The following KIR2DL3 variants were observed in gnomAD, a reference collection of about 807,000 sequenced individuals.
KIR2DL3 encodes killer cell immunoglobulin-like receptor 2DL3.
In KIR2DL3, 39 loss-of-function variants were observed where a neutral mutation model predicts 33.8. That is an observed-to-expected ratio of 1.15 (90% confidence interval 0.89 to 1.51). The LOEUF is 1.51. KIR2DL3 is among the 40% of genes most tolerant of loss of function. The pLI, the probability that KIR2DL3 is intolerant of heterozygous loss-of-function variation, is 0.00. For missense variants in KIR2DL3, 462 were observed against 426.2 expected, an observed-to-expected ratio of 1.08 and a Z score of -0.74; for synonymous variants, 174 against 160.2, an observed-to-expected ratio of 1.09 and a Z score of -0.65.
At chr19:54,740,845 A>G (rs1380595717) in intron 2 of KIR2DL3, among the ~76,000 whole-genome samples, 2 of 151,806 alleles carry the variant, frequency 1.3e-5, no homozygotes, top group African/African-American at 4.8e-5. Flanking sequence ...TGTAATCACA[A>G]GGGTGCACAT....
At chr19:54,743,057 G>A (rs1213636833) in intron 3 of KIR2DL3, among the ~76,000 whole-genome samples, 33 of 151,744 alleles carry the variant, frequency 2.2e-4, no homozygotes, top group Non-Finnish European at 3.2e-4. Flanking sequence ...TGAGAGAGAG[G>A]CACAAGGACA....
At chr19:54,739,430 C>G in intron 1 of KIR2DL3, 77 bp from the exon 2 acceptor site, 1 of 1,610,078 alleles carries the variant, frequency 6.2e-7, no homozygotes, top group Non-Finnish European at 8.5e-7. Context: ...GCTGCCAAGA[C>G]TCACAGCCCA....
chr19:54,738,666 A>G lies in KIR2DL3; in HGVS notation c.34+87A>G. On this transcript the variant is annotated intron_variant, in intron 1 of 7. Transcript: ENST00000342376. ...GAGATATAGGCCTGGAAGTGGAGTT[A>G]TGGGCCTAGAGATGGAGTGATGGGC... 4.4e-6 allele frequency: 7 copies of G among 1,592,400 alleles called. No homozygotes were observed. The South Asian group carries it at 4.4e-5, about 10-fold the overall frequency.
intron 3 of KIR2DL3, among the ~76,000 whole-genome samples, chr19:54,743,264 G>A (rs1251770968): frequency 1.3e-5 from 2 of 150,558 alleles, no homozygotes; most frequent in Admixed American, 6.7e-5. Flanking sequence ...TGATGATGAT[G>A]AAGACAGATA....
At chr19:54,747,223 A>T in intron 4 of KIR2DL3, 112 bp from the exon 5 acceptor site, 1 of 1,260,152 alleles carries the variant, frequency 7.9e-7, no homozygotes, top group South Asian at 1.2e-5. Context: ...CAGGACTCCC[A>T]GGGCCCAATA....
intron 1 of KIR2DL3, 119 bp downstream of exon 1, chr19:54,738,698 G>A: frequency 1.2e-6 from 1 of 812,906 alleles, no homozygotes; most frequent in Non-Finnish European, 1.7e-6. Flanking sequence ...GGGCCTAGAA[G>A]TGGAGATCTG....
intron 4 of KIR2DL3, among the ~76,000 whole-genome samples, chr19:54,746,499 T>C (rs1305347888): frequency 1.4e-5 from 2 of 138,880 alleles, no homozygotes; most frequent in African/African-American, 2.6e-5. Context: ...TCCCCAATAT[T>C]TTCTTCTACG....
intron 4 of KIR2DL3, among the ~76,000 whole-genome samples, chr19:54,744,390 C>T (rs1252772167): frequency 6.6e-6 from 1 of 152,134 alleles, no homozygotes; most frequent in Non-Finnish European, 1.5e-5. Context: ...AGCCCCTCAA[C>T]ATTACCCATT....
At chr19:54,750,579 G>C (rs74744812) in intron 5 of KIR2DL3, among the ~76,000 whole-genome samples, 1 of 127,912 alleles carries the variant, frequency 7.8e-6, no homozygotes, top group African/African-American at 2.9e-5. Context: ...TGTGGATGTA[G>C]AAATCCTAAA....
intron 1 of KIR2DL3, among the ~76,000 whole-genome samples, 176 bp from the exon 2 acceptor site, chr19:54,739,331 G>A (rs879169457): frequency 6.6e-6 from 1 of 151,070 alleles, no homozygotes; most frequent in Non-Finnish European, 1.5e-5. Context: ...TATGGGCCTG[G>A]AAACTGGGTC....
intron 4 of KIR2DL3, among the ~76,000 whole-genome samples, chr19:54,744,977 T>C (rs1007848963): frequency 2.1e-5 from 2 of 93,050 alleles, no homozygotes; most frequent in South Asian, 3.8e-4. Context: ...TTTTTTTTTT[T>C]ACCCTCCACC....
intron 5 of KIR2DL3, among the ~76,000 whole-genome samples, chr19:54,751,231 G>A (rs1162991977): frequency 7.6e-6 from 1 of 131,572 alleles, no homozygotes; most frequent in Non-Finnish European, 1.7e-5. Context: ...GGGAGCAAGG[G>A]GGAGGGGGAG....
At chr19:54,751,497 G>C (rs2037163675) in intron 5 of KIR2DL3, 152 bp from the exon 6 acceptor site, 1 of 682,514 alleles carries the variant, frequency 1.5e-6, no homozygotes, top group East Asian at 2.5e-5. Context: ...AGCTATAACT[G>C]AGAAAGCAGG....
At position 54,750,032 on chromosome 19, in the gene KIR2DL3, G is replaced by A. The variant is rs1363204505; in HGVS notation, c.716-1617G>A. Reference sequence around the variant, plus strand: ...TCCTTTATCTTATCCATTAGGCAATGAGCTTAAAACCTCTTCCCTATTTGG... The same window carrying A: ...TCCTTTATCTTATCCATTAGGCAATAAGCTTAAAACCTCTTCCCTATTTGG... On this transcript the variant is annotated intron_variant, in intron 5 of 7. Coordinates refer to ENST00000342376, the MANE Select transcript of KIR2DL3 (RefSeq NM_015868.3). Among the ~76,000 whole-genome samples, 2 of 132,118 alleles carry A rather than the reference G, an allele frequency of 1.5e-5. 1 individual carries two copies. Among genetic ancestry groups the A allele is most frequent in the Non-Finnish European group, 3.3e-5 (2 of 60,594 alleles). 86.7% of individuals were successfully genotyped at this position (132,118 alleles called of 152,430 possible). A position where few individuals can be genotyped will look rare whatever the true frequency, so the allele number is the denominator to read the frequency against.
At chr19:54,740,565 T>G (rs2070852249) in intron 2 of KIR2DL3, among the ~76,000 whole-genome samples, 1 of 149,886 alleles carries the variant, frequency 6.7e-6, no homozygotes, top group South Asian at 2.1e-4. Context: ...AGAGGGCTCC[T>G]GTCTTGGATT....
intron 1 of KIR2DL3, among the ~76,000 whole-genome samples, chr19:54,738,875 GA>G (rs2146958761): frequency 1.2e-5 from 1 of 83,178 alleles, no homozygotes; most frequent in Admixed American, 1.5e-4. Flanking sequence ...GCCTGGAGTG[GA>G]GATATGGGCC....
In KIR2DL3 at chr19:54,744,031, C is replaced by G; in HGVS notation, c.607C>G (p.Arg203Gly). The G allele has an allele frequency of 3.1e-6, 5 of 1,614,242 alleles. No individual in the cohort carries two copies. Among genetic ancestry groups the G allele is most frequent in the East Asian group, 2.2e-5 (1 of 44,888 alleles). Reference protein sequence around the residue: ...GGTYRCFGSFRDSPYEWSNSS... With the variant: ...GGTYRCFGSFGDSPYEWSNSS... ...AACCTACAGATGCTTCGGCTCTTTCCGTGACTCTCCATACGAGTGGTCAAA... is the reference window on the plus strand; with the variant it reads ...AACCTACAGATGCTTCGGCTCTTTCGGTGACTCTCCATACGAGTGGTCAAA... Residue 203 changes from arginine (R) to glycine (G), a missense_variant, in exon 4 of 8, where the codon CGT becomes GGT. Transcript: ENST00000342376.
chr19:54,748,415 C>A (rs1265775857), intron 5 of KIR2DL3, among the ~76,000 whole-genome samples: 2 of 141,532 alleles, frequency 1.4e-5, no homozygotes, highest in Non-Finnish European at 3.1e-5. Context: ...AACATATTCA[C>A]AAGCTATGGA....
At chr19:54,752,042 G>A (rs4806537) in intron 6 of KIR2DL3, among the ~76,000 whole-genome samples, 174 bp from the exon 7 acceptor site, 1 of 135,848 alleles carries the variant, frequency 7.4e-6, no homozygotes. Flanking sequence ...TGGGAACTCA[G>A]AGCTATTCAT....
Sources: gnomAD v4.1 joint callset for allele counts (sites outside exome capture counted in the v4.1 genomes callset) on GRCh38, gnomAD v4.1.1 for gene constraint, MANE v1.5 for transcripts, NCBI Gene and HGNC (gene_info 2026-07-23, HGNC 2026-07-21) for gene names.